Variants in ENTREP1 observed in about 807,000 individuals in gnomAD.
ENTREP1 encodes Friedreich ataxia region gene X123.
the ENTREP1 span, among the ~76,000 whole-genome samples, chr9:69,372,144 G>A: frequency 2.6e-5 from 4 of 152,190 alleles, no homozygotes; most frequent in Non-Finnish European, 5.9e-5. Context: ...GTAAGAGGTT[G>A]TGGACTTGTA....
chr9:69,335,582 G>A, the ENTREP1 span, among the ~76,000 whole-genome samples: 1 of 152,192 alleles, frequency 6.6e-6, no homozygotes, highest in Admixed American at 6.5e-5. Context: ...GAGCAGGTAA[G>A]AGAAGATCTT....
the ENTREP1 span, among the ~76,000 whole-genome samples, chr9:69,336,886 G>A: frequency 6.6e-6 from 1 of 151,754 alleles, no homozygotes; most frequent in African/African-American, 2.4e-5. Flanking sequence ...TTTTAGTAGA[G>A]ACGGGGTTTC....
the ENTREP1 span, among the ~76,000 whole-genome samples, chr9:69,326,715 C>CT: frequency 2.9e-4 from 44 of 149,734 alleles, no homozygotes; most frequent in South Asian, 8.5e-4. Context: ...CTCTTTATAT[C>CT]TTTTTTTTTT....
chr9:69,370,967 T>C, the ENTREP1 span, among the ~76,000 whole-genome samples: 83 of 152,322 alleles, frequency 5.4e-4, 1 homozygote, highest in South Asian at 0.016. Context: ...TAATTAACTT[T>C]AGAGAAAAGC....
At chr9:69,347,704 C>A in the ENTREP1 span, among the ~76,000 whole-genome samples, 121,295 of 152,164 alleles carry the variant, frequency 0.8, 48,477 homozygotes, top group South Asian at 0.87. Context: ...TCCTGGACTC[C>A]AATTTCATCT....
At chr9:69,332,505 T>C in the ENTREP1 span, among the ~76,000 whole-genome samples, 1 of 152,374 alleles carries the variant, frequency 6.6e-6, no homozygotes, top group African/African-American at 2.4e-5. Context: ...ATAAACTTTG[T>C]ATTTCTCCCC....
the ENTREP1 span, among the ~76,000 whole-genome samples, chr9:69,374,874 G>A: frequency 6.6e-6 from 1 of 152,160 alleles, no homozygotes; most frequent in African/African-American, 2.4e-5. Context: ...GGGCAGAGAT[G>A]GGATTAAGAA....
At chr9:69,340,518 T>C in the ENTREP1 span, among the ~76,000 whole-genome samples, 1 of 152,202 alleles carries the variant, frequency 6.6e-6, no homozygotes, top group Non-Finnish European at 1.5e-5. Flanking sequence ...ACAAAAATGA[T>C]AATATTGGAA....
chr9:69,369,077 G>T, the ENTREP1 span, among the ~76,000 whole-genome samples: 5 of 152,176 alleles, frequency 3.3e-5, no homozygotes, highest in South Asian at 1.0e-3. Context: ...GAGAACATGC[G>T]GTGTTTGGTT....
the ENTREP1 span, chr9:69,388,037 A>G: frequency 1.3e-6 from 2 of 1,584,280 alleles, no homozygotes; most frequent in Admixed American, 1.8e-5. Flanking sequence ...CAGGATGTGC[A>G]TGGCTATCAG....
the ENTREP1 span, among the ~76,000 whole-genome samples, chr9:69,326,802 G>A: frequency 7.4e-6 from 1 of 135,084 alleles, no homozygotes; most frequent in East Asian, 2.1e-4. Context: ...GAGCTCAAGC[G>A]ATCCTCCTGC....
At chr9:69,349,286 G>T in the ENTREP1 span, among the ~76,000 whole-genome samples, 5 of 151,864 alleles carry the variant, frequency 3.3e-5, no homozygotes, top group African/African-American at 9.7e-5. Context: ...TTTCTCTTGG[G>T]TACATGTCTA....
chr9:69,338,154 G>A, the ENTREP1 span, among the ~76,000 whole-genome samples: 1 of 152,088 alleles, frequency 6.6e-6, no homozygotes, highest in Non-Finnish European at 1.5e-5. Context: ...TAAATTTTTA[G>A]CATACCATTT....
At chr9:69,364,879 T>A in the ENTREP1 span, among the ~76,000 whole-genome samples, 1 of 152,178 alleles carries the variant, frequency 6.6e-6, no homozygotes, top group Admixed American at 6.5e-5. Context: ...TTCTGGGTTT[T>A]GCAGGAGTGG....
At chr9:69,351,507 C>T in the ENTREP1 span, among the ~76,000 whole-genome samples, 17 of 152,142 alleles carry the variant, frequency 1.1e-4, no homozygotes, top group African/African-American at 3.1e-4. Flanking sequence ...ACCTCCACCT[C>T]GCGGGTTCAA....
chr9:69,325,546 C>T, the ENTREP1 span: 6 of 1,167,918 alleles, frequency 5.1e-6, no homozygotes, highest in Non-Finnish European at 5.3e-6. Flanking sequence ...GCCGGGCAGT[C>T]GCCGCCGCTG....
the ENTREP1 span, among the ~76,000 whole-genome samples, chr9:69,350,254 A>G: frequency 1.3e-5 from 2 of 152,120 alleles, no homozygotes; most frequent in Admixed American, 6.6e-5. Context: ...ATTTTTGCAT[A>G]TGGTGTGAGG....
chr9:69,372,517 CCCTT>C, the ENTREP1 span, among the ~76,000 whole-genome samples: 1 of 152,084 alleles, frequency 6.6e-6, no homozygotes, highest in African/African-American at 2.4e-5. Context: ...TGTTAGAATT[CCCTT>C]CCTTTTTAAG....
At chr9:69,352,214 G>A in the ENTREP1 span, among the ~76,000 whole-genome samples, 4 of 151,996 alleles carry the variant, frequency 2.6e-5, no homozygotes, top group South Asian at 6.2e-4. Flanking sequence ...CACCTCCCAG[G>A]TTCAAGCAAT....
Sources: allele counts gnomAD v4.1 joint callset (sites outside exome capture counted in the v4.1 genomes callset), GRCh38; gene constraint gnomAD v4.1.1; transcripts MANE v1.5; gene names NCBI Gene and HGNC (gene_info 2026-07-23, HGNC 2026-07-21).